Variants in RTKN2 observed in about 807,000 individuals in gnomAD.
The protein encoded by RTKN2 is rhotekin-2.
A neutral mutation model predicts 71.5 loss-of-function variants in RTKN2; 69 were observed. The observed-to-expected ratio is 0.96, with a 90% CI of 0.79 to 1.18. The LOEUF (loss-of-function observed/expected upper bound fraction) is 1.18, where lower values mean the gene tolerates loss of function less well. Among genes scored for constraint, RTKN2 ranks in the 50% most tolerant of loss-of-function variants. The probability of loss-of-function intolerance (pLI) is 0.00; values close to 1 mark genes in which losing one functional copy is unlikely to be tolerated. For missense variants in RTKN2, 724 were observed against 719.7 expected, an observed-to-expected ratio of 1.01 and a Z score of -0.07; for synonymous variants, 236 against 236.5, an observed-to-expected ratio of 1.00 and a Z score of 0.02.
At chr10:62,232,899 T>C (rs1394821428) in intron 6 of RTKN2, among the ~76,000 whole-genome samples, 2 of 148,792 alleles carry the variant, frequency 1.3e-5, no homozygotes, top group African/African-American at 5.1e-5. Context: ...TGTATTATTA[T>C]TACAGAAGGA....
downstream of RTKN2, among the ~76,000 whole-genome samples, chr10:62,190,072 T>C (rs1055945222): frequency 2.6e-5 from 4 of 152,160 alleles, no homozygotes; most frequent in African/African-American, 9.7e-5. Flanking sequence ...GGTTTACATA[T>C]GCTCAAATGT....
rs531817656 is a variant in RTKN2, at chr10:62,261,163, T to G, written c.257+1462A>C. ...CTATCTGAAAAACATTTTCCTACAT[T>G]ATGCTAATGGAACAATTTCATTGTA... On this transcript the variant is annotated intron_variant, in intron 2 of 11. Coordinates refer to ENST00000373789, the MANE Select transcript of RTKN2 (RefSeq NM_145307.4). 1.7e-3 allele frequency among the ~76,000 whole-genome samples: 253 copies of G among 152,344 alleles called. 3 individuals are homozygous for G. Among genetic ancestry groups the G allele is most frequent in the African/African-American group, 5.7e-3 (239 of 41,574 alleles).
chr10:62,204,715 G>C, intron 10 of RTKN2, 142 bp downstream of exon 10: 1 of 536,458 alleles, frequency 1.9e-6, no homozygotes, highest in Non-Finnish European at 3.2e-6. Context: ...AGAAGCATCA[G>C]TGCATTGATG....
intron 8 of RTKN2, among the ~76,000 whole-genome samples, chr10:62,186,130 G>A (rs1238286749): frequency 6.6e-6 from 1 of 152,220 alleles, no homozygotes; most frequent in Non-Finnish European, 1.5e-5. Context: ...CTGGGCTATC[G>A]TGCCTTTGCC....
At chr10:62,208,219 A>T (rs971044653) in intron 9 of RTKN2, among the ~76,000 whole-genome samples, 2 of 152,180 alleles carry the variant, frequency 1.3e-5, no homozygotes, top group African/African-American at 2.4e-5. Context: ...ATTTCCATAT[A>T]CGTGGAAAAT....
chr10:62,221,123 T>C (rs538732282), intron 7 of RTKN2, among the ~76,000 whole-genome samples: 136 of 122,056 alleles, frequency 1.1e-3, no homozygotes, highest in Admixed American at 3.8e-3. Context: ...AAATATTAAA[T>C]CTAAATAAGT....
At chr10:62,241,751 T>A (rs112160719) in intron 3 of RTKN2, among the ~76,000 whole-genome samples, 10,331 of 152,022 alleles carry the variant, frequency 0.068, 468 homozygotes, top group African/African-American at 0.13. Flanking sequence ...CAGGCTGGAG[T>A]GCAGTGGCAC....
At chr10:62,260,280 C>T (rs61852962) in intron 2 of RTKN2, among the ~76,000 whole-genome samples, 15 of 152,224 alleles carry the variant, frequency 9.9e-5, no homozygotes, top group African/African-American at 3.6e-4. Context: ...GTTCTGCAAG[C>T]GGTAGATATT....
At chr10:62,250,023 C>A (rs1175759396) in intron 2 of RTKN2, among the ~76,000 whole-genome samples, 1 of 152,148 alleles carries the variant, frequency 6.6e-6, no homozygotes, top group Non-Finnish European at 1.5e-5. Context: ...CAGTCCACAC[C>A]AACAGCATAG....
intron 2 of RTKN2, among the ~76,000 whole-genome samples, chr10:62,249,051 A>G (rs1842528659): frequency 6.6e-6 from 1 of 152,220 alleles, no homozygotes; most frequent in African/African-American, 2.4e-5. Flanking sequence ...CTTCATAAAT[A>G]TCTTAAAAAT....
At chr10:62,217,467 G>A (rs1382316447) in intron 8 of RTKN2, among the ~76,000 whole-genome samples, 1 of 152,170 alleles carries the variant, frequency 6.6e-6, no homozygotes, top group Non-Finnish European at 1.5e-5. Context: ...GGCATTAAGT[G>A]AAATGGAGGC....
chr10:62,260,144 T>G (rs1842747424), intron 2 of RTKN2, among the ~76,000 whole-genome samples: 1 of 152,216 alleles, frequency 6.6e-6, no homozygotes. Flanking sequence ...CCTTAAGGAC[T>G]AACCAAACTA....
At chr10:62,213,258 G>A (rs1294659106) in intron 9 of RTKN2, among the ~76,000 whole-genome samples, 1 of 151,986 alleles carries the variant, frequency 6.6e-6, no homozygotes, top group Non-Finnish European at 1.5e-5. Context: ...TCTCCTCACT[G>A]ACTACTTGCT....
At position 62,196,178 on chromosome 10, in the gene RTKN2, A is replaced by G; in HGVS notation, c.*1730T>C. 1 of 979,310 alleles carries G rather than the reference A, an allele frequency of 1.0e-6. No homozygotes were observed. Among genetic ancestry groups the G allele is most frequent in the Non-Finnish European group, 1.2e-6 (1 of 824,356 alleles). The allele number at this position is 979,310 out of a possible 1,614,324, so 60.7% of individuals were successfully genotyped here. Reference sequence around the variant, plus strand: ...GCAATGAAGTTTTAAAAAATAACCCAAAAATTCAAACAATAATATCCTTTA... The same window carrying G: ...GCAATGAAGTTTTAAAAAATAACCCGAAAATTCAAACAATAATATCCTTTA... On this transcript the variant is annotated 3_prime_UTR_variant, in exon 12 of 12. Coordinates refer to ENST00000373789, the MANE Select transcript of RTKN2 (RefSeq NM_145307.4).
chr10:62,196,273 A>G lies in RTKN2; in HGVS notation c.*1635T>C, dbSNP rs888193640. The stretch of plus-strand genomic sequence containing the variant: ...TATGAGAGCCTTCTAGTTAGAAAAA[A>G]TAAGTTTACTTTTTAAGGTTTCCAT... On this transcript the variant is annotated 3_prime_UTR_variant, in exon 12 of 12. Transcript: ENST00000373789. 2.0e-6 allele frequency: 2 copies of G among 979,468 alleles called. No individual in the cohort carries two copies. The highest frequency in any genetic ancestry group is 2.4e-6 in the Non-Finnish European group (2 of 824,584). The allele number at this position is 979,468 out of a possible 1,614,324, so 60.7% of individuals were successfully genotyped here.
chr10:62,226,756 T>C (rs528268521), intron 6 of RTKN2, among the ~76,000 whole-genome samples: 22 of 152,218 alleles, frequency 1.4e-4, no homozygotes, highest in Non-Finnish European at 2.5e-4. Flanking sequence ...ATTGTTCACA[T>C]AATGAATCCC....
intron 1 of RTKN2, among the ~76,000 whole-genome samples, chr10:62,265,526 G>A (rs539938927): frequency 2.1e-4 from 32 of 151,996 alleles, no homozygotes; most frequent in Admixed American, 5.2e-4. Context: ...AACATAAGCA[G>A]GATGAATTGT....
At chr10:62,192,047 GTTTT>G (rs148963022), downstream of RTKN2, among the ~76,000 whole-genome samples, 1 of 150,218 alleles carries the variant, frequency 6.7e-6, no homozygotes, top group African/African-American at 2.4e-5. Flanking sequence ...ATATTATAAG[GTTTT>G]TTTTTATCTT....
At chr10:62,243,069 G>A (rs1445906364) in intron 3 of RTKN2, among the ~76,000 whole-genome samples, 1 of 151,434 alleles carries the variant, frequency 6.6e-6, no homozygotes, top group Non-Finnish European at 1.5e-5. Context: ...TGCCATGCTG[G>A]TATGCTGCAC....
Sources: allele counts gnomAD v4.1 joint callset (sites outside exome capture counted in the v4.1 genomes callset), GRCh38; gene constraint gnomAD v4.1.1; transcripts MANE v1.5; gene names NCBI Gene and HGNC (gene_info 2026-07-23, HGNC 2026-07-21).